CDKL4: variants seen among roughly 807,000 people sequenced by gnomAD.
CDKL4 encodes the protein cyclin-dependent kinase-like 4.
A neutral mutation model predicts 42.0 loss-of-function variants in CDKL4; 44 were observed. The observed-to-expected ratio is 1.05, with a 90% CI of 0.82 to 1.35. The LOEUF is 1.35. Among genes scored for constraint, CDKL4 ranks in the 40% most tolerant of loss-of-function variants. CDKL4 has a pLI of 0.00. For synonymous variants in CDKL4, 120 were observed against 121.6 expected (o/e 0.99, Z 0.09); for missense variants, 393 against 369.9 (o/e 1.06, Z -0.51).
At chr2:39,200,839 C>A (rs374910561) in intron 5 of CDKL4, among the ~76,000 whole-genome samples, 4 of 152,248 alleles carry the variant, frequency 2.6e-5, no homozygotes, top group East Asian at 1.9e-4. Flanking sequence ...AAAATCATCT[C>A]AAGATGGATC....
Position 39,179,335 on chromosome 2 carries a change from G to C in CDKL4, c.793-14C>G, listed in dbSNP as rs367870515. ...CTTCAGACACCCCTTTGGAGGAAGAGAATAGCAAAGAAGATGTTAAGGGAG... is the reference window on the plus strand; with the variant it reads ...CTTCAGACACCCCTTTGGAGGAAGACAATAGCAAAGAAGATGTTAAGGGAG... On this transcript the variant is annotated splice_polypyrimidine_tract_variant and intron_variant, in intron 8 of 9. Transcript: ENST00000451199. The C allele has an allele frequency of 3.2e-4, 500 of 1,571,168 alleles. 1 individual carries two copies. The highest frequency in any genetic ancestry group is 3.6e-4 in the Non-Finnish European group (419 of 1,164,336).
intron 1 of CDKL4, among the ~76,000 whole-genome samples, chr2:39,231,332 C>A (rs375302576): frequency 6.6e-6 from 1 of 152,176 alleles, no homozygotes; most frequent in African/African-American, 2.4e-5. Context: ...TTGTAAATTT[C>A]TCTTGTTTCA....
At chr2:39,190,252 T>C in intron 6 of CDKL4, 53 bp downstream of exon 6, 2 of 1,238,278 alleles carry the variant, frequency 1.6e-6, no homozygotes, top group African/African-American at 1.5e-5. Context: ...TATAGTAACA[T>C]ATGAATGCTA....
intron 4 of CDKL4, among the ~76,000 whole-genome samples, chr2:39,207,994 C>A (rs7561710): frequency 6.6e-6 from 1 of 151,810 alleles, no homozygotes; most frequent in Non-Finnish European, 1.5e-5. Flanking sequence ...CCCAGCTACT[C>A]GGGAGGCTGA....
chr2:39,244,552 C>T (rs1679825908), upstream of CDKL4, among the ~76,000 whole-genome samples: 1 of 152,378 alleles, frequency 6.6e-6, no homozygotes, highest in African/African-American at 2.4e-5. Flanking sequence ...ATACCTGAGC[C>T]TCCCACCCCC....
intron 5 of CDKL4, among the ~76,000 whole-genome samples, chr2:39,201,511 T>C (rs1197380): frequency 0.98 from 149,835 of 152,276 alleles, 73,736 homozygotes; most frequent in East Asian, 1. Context: ...AAAAAATATA[T>C]TTGCACACGC....
intron 7 of CDKL4, among the ~76,000 whole-genome samples, chr2:39,185,713 G>A (rs556475826): frequency 2.0e-5 from 3 of 151,170 alleles, no homozygotes; most frequent in South Asian, 2.1e-4. Context: ...CGCCTGCCTC[G>A]GCCTCCCAAA....
chr2:39,199,361 GA>G (rs901190934), intron 5 of CDKL4, among the ~76,000 whole-genome samples: 1 of 151,568 alleles, frequency 6.6e-6, no homozygotes, highest in Non-Finnish European at 1.5e-5. Flanking sequence ...AGTTACCAAT[GA>G]AAAAAAGTCC....
intron 9 of CDKL4, among the ~76,000 whole-genome samples, chr2:39,176,492 T>C (rs1001371039): frequency 2.6e-5 from 4 of 152,212 alleles, no homozygotes; most frequent in African/African-American, 4.8e-5. Flanking sequence ...TGGAGTGCAA[T>C]GGTGCAATCT....
At chr2:39,209,481 A>G (rs1677450236) in intron 4 of CDKL4, among the ~76,000 whole-genome samples, 1 of 152,180 alleles carries the variant, frequency 6.6e-6, no homozygotes, top group Non-Finnish European at 1.5e-5. Context: ...CCAAATGAAT[A>G]CGTATTTTCT....
At chr2:39,178,425 G>T in intron 9 of CDKL4, 1 of 753,646 alleles carries the variant, frequency 1.3e-6, no homozygotes, top group Non-Finnish European at 2.1e-6. Context: ...ATTAGGCAAT[G>T]TTCGTCTACT....
intron 2 of CDKL4, among the ~76,000 whole-genome samples, chr2:39,228,681 T>G (rs572459994): frequency 6.6e-6 from 1 of 152,284 alleles, no homozygotes; most frequent in East Asian, 1.9e-4. Context: ...GGGATTCCAA[T>G]GCATATTAAC....
At chr2:39,209,029 G>T (rs1256891542) in intron 4 of CDKL4, among the ~76,000 whole-genome samples, 1 of 151,784 alleles carries the variant, frequency 6.6e-6, no homozygotes, top group Non-Finnish European at 1.5e-5. Flanking sequence ...AGCTGGGCAT[G>T]GTGGCTCATG....
chr2:39,217,701 ATTATTTATTTAT>A (rs145033516), intron 3 of CDKL4, among the ~76,000 whole-genome samples: 102,083 of 147,606 alleles, frequency 0.69, 38,840 homozygotes, highest in Non-Finnish European at 0.85. Context: ...GGCTTATTTT[ATTATTTATTTAT>A]TTATTTATTT....
At chr2:39,193,198 C>T (rs1489178418) in intron 5 of CDKL4, among the ~76,000 whole-genome samples, 1 of 146,798 alleles carries the variant, frequency 6.8e-6, no homozygotes, top group Non-Finnish European at 1.5e-5. Context: ...CTTTGGGAGG[C>T]TGAACGGGGT....
rs141702509 is a variant in CDKL4, at chr2:39,184,722, ATGTGTGTGTG to A, written c.736-85_736-76del. ...TGTGTGTGTATATATGTGCGTATGT[ATGTGTGTGTG>A]TGTGTGTGTGTGTGTATTTAGAGAT... On this transcript the variant is annotated intron_variant, in intron 7 of 9. Transcript: ENST00000451199. The A allele has an allele frequency of 2.5e-4, 192 of 761,008 alleles. 3 individuals are homozygous for A. The highest frequency in any genetic ancestry group is 2.3e-3 in the East Asian group (84 of 36,394). The allele number at this position is 761,008 out of a possible 1,614,324, so 47.1% of individuals were successfully genotyped here.
chr2:39,193,636 A>C (rs1676331829), intron 5 of CDKL4, among the ~76,000 whole-genome samples: 1 of 152,150 alleles, frequency 6.6e-6, no homozygotes, highest in African/African-American at 2.4e-5. Context: ...TGGCCTCCCA[A>C]AGTGCTGGGA....
At chr2:39,203,222 AG>A (rs1676962219) in intron 5 of CDKL4, among the ~76,000 whole-genome samples, 1 of 152,258 alleles carries the variant, frequency 6.6e-6, no homozygotes, top group Non-Finnish European at 1.5e-5. Context: ...AAGGAAAAAA[AG>A]AATGCATATT....
chr2:39,208,649 A>C (rs1299123723), intron 4 of CDKL4, among the ~76,000 whole-genome samples: 3 of 150,860 alleles, frequency 2.0e-5, no homozygotes, highest in Admixed American at 6.6e-5. Flanking sequence ...GGCCTTGTAC[A>C]CAGTTTTTAG....
Sources: gnomAD v4.1 joint callset for allele counts (sites outside exome capture counted in the v4.1 genomes callset) on GRCh38, gnomAD v4.1.1 for gene constraint, MANE v1.5 for transcripts, NCBI Gene and HGNC (gene_info 2026-07-23, HGNC 2026-07-21) for gene names.